Variants in WWTR1 observed in about 807,000 individuals in gnomAD.
WWTR1 encodes the protein WW domain-containing transcription regulator protein 1.
Under a neutral mutation model 40.1 loss-of-function variants are expected in WWTR1, and 13 were observed. The observed-to-expected ratio is 0.32, with a 90% CI of 0.21 to 0.52. The LOEUF is 0.52. Ranked by LOEUF, WWTR1 falls within the 20% of genes least tolerant of loss-of-function variation. The pLI is 0.97. For synonymous variants in WWTR1, 230 were observed against 210.1 expected, an observed-to-expected ratio of 1.09 and a Z score of -0.82; for missense variants, 436 against 523.1, an observed-to-expected ratio of 0.83 and a Z score of 1.63.
chr3:149,671,643 A>C (rs888094733), intron 1 of WWTR1, among the ~76,000 whole-genome samples: 2 of 152,202 alleles, frequency 1.3e-5, no homozygotes, highest in Non-Finnish European at 2.9e-5. Flanking sequence ...ATCCAATTGA[A>C]TCTAAATCCA....
Position 149,541,207 on chromosome 3 carries a change from A to G in WWTR1, c.771+1128T>C, listed in dbSNP as rs112509697. On this transcript the variant is annotated intron_variant, in intron 4 of 6. Coordinates refer to ENST00000360632, the MANE Select transcript of WWTR1 (RefSeq NM_015472.6). ...CCAAAAATGTAGCCAGAAAAAAAGC[A>G]TGAGACCTGAAAACATGGGTTATAT... 2.1e-3 allele frequency: 791 copies of G among 374,904 alleles called. 11 individuals are homozygous for G. Among genetic ancestry groups the G allele is most frequent in the African/African-American group, 0.015 (717 of 47,274 alleles). The allele number at this position is 374,904 out of a possible 1,614,324, so 23.2% of individuals were successfully genotyped here.
intron 2 of WWTR1, among the ~76,000 whole-genome samples, chr3:149,616,560 A>G (rs1739983563): frequency 6.6e-6 from 1 of 151,682 alleles, no homozygotes; most frequent in African/African-American, 2.4e-5. Flanking sequence ...CTCCTGCCTC[A>G]GCCTCCTGAG....
At position 149,653,207 on chromosome 3, in the gene WWTR1, C is replaced by A. The variant is rs181403279; in HGVS notation, c.431+3669G>T. Among the ~76,000 whole-genome samples, 540 of 152,262 alleles carry A rather than the reference C, an allele frequency of 3.5e-3. 6 individuals are homozygous for A. Among genetic ancestry groups the A allele is most frequent in the Non-Finnish European group, 1.3e-3 (90 of 68,016 alleles). On this transcript the variant is annotated intron_variant, in intron 2 of 6. Coordinates refer to ENST00000360632, the MANE Select transcript of WWTR1 (RefSeq NM_015472.6). Reference sequence around the variant, plus strand: ...AATTCTACTGAAGCTAGATAACTTTCTTCTTTATAATTCCCCATTTTCTGG... The same window carrying A: ...AATTCTACTGAAGCTAGATAACTTTATTCTTTATAATTCCCCATTTTCTGG...
At chr3:149,604,807 G>A (rs1739410372) in intron 2 of WWTR1, among the ~76,000 whole-genome samples, 1 of 152,252 alleles carries the variant, frequency 6.6e-6, no homozygotes. Context: ...CAGAAGGCAG[G>A]TGGGAGGACA....
intron 2 of WWTR1, among the ~76,000 whole-genome samples, chr3:149,653,108 C>A (rs1712993260): frequency 6.6e-6 from 1 of 152,124 alleles, no homozygotes; most frequent in Non-Finnish European, 1.5e-5. Context: ...AGGATAAAAT[C>A]TTTTTTCTTA....
At chr3:149,690,856 A>G (rs1714801577) in intron 1 of WWTR1, among the ~76,000 whole-genome samples, 1 of 152,210 alleles carries the variant, frequency 6.6e-6, no homozygotes, top group African/African-American at 2.4e-5. Context: ...AGAACAGACC[A>G]TTTATTAGGC....
chr3:149,626,886 C>G (rs1740571269), intron 2 of WWTR1, among the ~76,000 whole-genome samples: 1 of 152,154 alleles, frequency 6.6e-6, no homozygotes, highest in South Asian at 2.1e-4. Flanking sequence ...TTGGCCAATA[C>G]TTTATTTATG....
chr3:149,682,261 T>C (rs1714480468), intron 1 of WWTR1, among the ~76,000 whole-genome samples: 1 of 152,162 alleles, frequency 6.6e-6, no homozygotes, highest in Non-Finnish European at 1.5e-5. Flanking sequence ...GGCTGCACCA[T>C]AGAGACACTT....
intron 3 of WWTR1, among the ~76,000 whole-genome samples, chr3:149,560,439 T>C (rs1462286373): frequency 6.6e-6 from 1 of 152,196 alleles, no homozygotes; most frequent in African/African-American, 2.4e-5. Flanking sequence ...ACCTCCAGCA[T>C]GGAGCCGCCC....
chr3:149,705,360 TAGG>T (rs1435806580), upstream of WWTR1, among the ~76,000 whole-genome samples: 3 of 152,074 alleles, frequency 2.0e-5, no homozygotes, highest in Non-Finnish European at 4.4e-5. Context: ...CCCTTAGAAA[TAGG>T]AGAAAATCCA....
At chr3:149,648,513 A>T (rs1460967406) in intron 2 of WWTR1, among the ~76,000 whole-genome samples, 1 of 152,230 alleles carries the variant, frequency 6.6e-6, no homozygotes, top group Non-Finnish European at 1.5e-5. Flanking sequence ...GAGGAGGAGC[A>T]GCAGCATCTA....
chr3:149,539,482 A>G (rs1428983159), intron 4 of WWTR1, among the ~76,000 whole-genome samples: 1 of 152,174 alleles, frequency 6.6e-6, no homozygotes, highest in Admixed American at 6.5e-5. Context: ...CCCCAAGAAG[A>G]CAGGCTGTAC....
At chr3:149,664,508 C>CT (rs901407962) in intron 2 of WWTR1, among the ~76,000 whole-genome samples, 14 of 151,742 alleles carry the variant, frequency 9.2e-5, no homozygotes, top group African/African-American at 3.4e-4. Context: ...CCGTGTTTCA[C>CT]TTTGGTGTTC....
At chr3:149,634,903 C>T (rs989338329) in intron 2 of WWTR1, among the ~76,000 whole-genome samples, 5 of 152,224 alleles carry the variant, frequency 3.3e-5, no homozygotes, top group African/African-American at 1.2e-4. Flanking sequence ...CCCCTCACAA[C>T]TTAAATCAAA....
At chr3:149,721,046 A>C (rs1318784233) in intron 4 of WWTR1, among the ~76,000 whole-genome samples, 6 of 152,168 alleles carry the variant, frequency 3.9e-5, no homozygotes, top group African/African-American at 1.4e-4. Flanking sequence ...ATATGAGATC[A>C]TGTCATCTGC....
intron 3 of WWTR1, among the ~76,000 whole-genome samples, chr3:149,565,928 CAAAAAAAAAAA>C (rs58536558): frequency 5.4e-5 from 4 of 73,476 alleles, no homozygotes; most frequent in Non-Finnish European, 1.1e-4. Flanking sequence ...AACTCTGTCT[CAAAAAAAAAAA>C]AAAAAAAAAG....
At chr3:149,686,523 G>C (rs1714660287) in intron 1 of WWTR1, among the ~76,000 whole-genome samples, 1 of 152,000 alleles carries the variant, frequency 6.6e-6, no homozygotes, top group South Asian at 2.1e-4. Context: ...CATACAGCAA[G>C]ACACCATCTC....
chr3:149,695,435 C>T (rs1051087637), intron 1 of WWTR1, among the ~76,000 whole-genome samples: 1 of 151,842 alleles, frequency 6.6e-6, no homozygotes, highest in Non-Finnish European at 1.5e-5. Flanking sequence ...ATATATGTAC[C>T]TACTATGTAC....
At chr3:149,699,750 A>T (rs1181260958) in intron 1 of WWTR1, among the ~76,000 whole-genome samples, 2 of 152,180 alleles carry the variant, frequency 1.3e-5, no homozygotes, top group Admixed American at 1.3e-4. Context: ...CTTTACTGTC[A>T]ATATCTCTAT....
Sources: gnomAD v4.1 joint callset for allele counts (sites outside exome capture counted in the v4.1 genomes callset) on GRCh38, gnomAD v4.1.1 for gene constraint, MANE v1.5 for transcripts, NCBI Gene and HGNC (gene_info 2026-07-23, HGNC 2026-07-21) for gene names.